RASAL3: variants seen among roughly 807,000 people sequenced by gnomAD.
RASAL3 encodes RAS protein activator like-3.
Under a neutral mutation model 105.5 loss-of-function variants are expected in RASAL3, and 74 were observed. The observed-to-expected ratio is 0.70, with a 90% CI of 0.58 to 0.85. The LOEUF is 0.85. Among genes scored for constraint, RASAL3 ranks in the 40% least tolerant of loss-of-function variants. RASAL3 has a pLI of 0.00. For missense variants in RASAL3, 1,352 were observed against 1,392.0 expected (o/e 0.97, Z 0.46); for synonymous variants, 579 against 591.6 (o/e 0.98, Z 0.31).
At chr19:15,463,073 T>C (rs1568334802) in intron 2 of RASAL3, among the ~76,000 whole-genome samples, 2 of 151,976 alleles carry the variant, frequency 1.3e-5, no homozygotes, top group Admixed American at 6.6e-5. Context: ...CTGTCATTTT[T>C]TTTCTTTCTT....
chr19:15,455,471 A>G (rs924981516), intron 11 of RASAL3, among the ~76,000 whole-genome samples: 2 of 152,154 alleles, frequency 1.3e-5, no homozygotes, highest in African/African-American at 2.4e-5. Flanking sequence ...TTGAGGTCCT[A>G]TGTTAACTGG....
rs1316015490 is a variant in RASAL3, at chr19:15,457,433, C to T, written c.1290G>A (p.Glu430=). The T allele has an allele frequency of 1.4e-6, 2 of 1,430,928 alleles. No homozygotes were observed. Among genetic ancestry groups the T allele is most frequent in the Non-Finnish European group, 9.1e-7 (1 of 1,094,410 alleles). The allele number at this position is 1,430,928 out of a possible 1,614,324, so 88.6% of individuals were successfully genotyped here. A position where few individuals can be genotyped will look rare whatever the true frequency, so the allele number is the denominator to read the frequency against. ...RARRLRVLPS[E]RYKELAEFLT... ...GGAACTCCGCCAGCTCCTTGTAGCG[C>T]TCGGACGGCAGCACGCGCAGGCGAC... The change falls in exon 9 of 18, where the codon GAG becomes GAA. Residue 430 remains glutamate (E), a synonymous_variant. Transcript: ENST00000343625. The surrounding 1 kb of genome is among the most constrained non-coding windows in gnomAD (Gnocchi z 8.6).
chr19:15,453,588 G>T lies in RASAL3; in HGVS notation c.2280-91C>A. On this transcript the variant is annotated intron_variant, in intron 14 of 17. Coordinates refer to ENST00000343625, the MANE Select transcript of RASAL3 (RefSeq NM_022904.3). The surrounding 1 kb of genome is among the most constrained non-coding windows in gnomAD (Gnocchi z 4.2). ...CCAGAAGTGACCTCACCCCCCACGT[G>T]AACTTGTCCTTTCTTTTTTTTTTTT... is the stretch of plus-strand genomic sequence containing the variant. 7.8e-7 allele frequency: 1 copy of T among 1,281,330 alleles called. No individual in the cohort carries two copies. Among genetic ancestry groups the T allele is most frequent in the South Asian group, 1.6e-5 (1 of 64,436 alleles). 79.4% of individuals were successfully genotyped at this position (1,281,330 alleles called of 1,614,324 possible).
chr19:15,453,445 G>A lies in RASAL3; in HGVS notation c.2332C>T (p.His778Tyr). The change falls in exon 15 of 18, where the codon CAC (histidine) becomes TAC (tyrosine). Residue 778 changes from histidine (H) to tyrosine (Y), a missense_variant. Coordinates refer to ENST00000343625, the MANE Select transcript of RASAL3 (RefSeq NM_022904.3). This position sits in a 1 kb window ranked among gnomAD's most constrained non-coding sequence, Gnocchi z 4.2. ...GFLAPRDLPK[H>Y]TPLISKSQSL... is the part of the protein sequence containing the mutation. ...TGGCTCTTGGAGATGAGAGGGGTGT[G>A]CTTGGGGAGGTCCCGGGGGGCCAGG... is the stretch of plus-strand genomic sequence containing the variant. 1 of 1,542,424 alleles carries A rather than the reference G, an allele frequency of 6.5e-7. No individual in the cohort carries two copies. Among genetic ancestry groups the A allele is most frequent in the South Asian group, 1.2e-5 (1 of 81,676 alleles).
chr19:15,463,949 T>C, intron 2 of RASAL3, 82 bp downstream of exon 2: 3 of 1,276,224 alleles, frequency 2.4e-6, no homozygotes, highest in Non-Finnish European at 1.1e-6. Context: ...TGTGTCTGTA[T>C]GGTTGATGCT....
rs1252561923 is a variant in RASAL3, at chr19:15,464,202, G to A, written c.157C>T (p.Gln53Ter). 1 of 1,611,188 alleles carries A rather than the reference G, an allele frequency of 6.2e-7. No homozygotes were observed. The highest frequency in any genetic ancestry group is 8.5e-7 in the Non-Finnish European group (1 of 1,179,204). Residue 53 changes from glutamine to a stop codon, truncating the protein, a stop_gained, in exon 2 of 18, where the codon CAG becomes TAG. Coordinates refer to ENST00000343625, the MANE Select transcript of RASAL3 (RefSeq NM_022904.3). LOFTEE classifies it high-confidence loss of function. ...GGCTGGGTGCTGACCATGGGCTCCT[G>A]GTGGCTCAGGGCCCTGCCCCAGCCA... is the stretch of plus-strand genomic sequence containing the variant. ...FAGWGRALSH[Q>*]EPMVSTQPAP...
At chr19:15,462,224 C>T (rs1970533340) in intron 2 of RASAL3, among the ~76,000 whole-genome samples, 1 of 152,058 alleles carries the variant, frequency 6.6e-6, no homozygotes, top group African/African-American at 2.4e-5. Context: ...CTGTGGCTCA[C>T]ACCTGTAATC....
At chr19:15,463,124 C>T (rs1451618944) in intron 2 of RASAL3, among the ~76,000 whole-genome samples, 1 of 148,862 alleles carries the variant, frequency 6.7e-6, no homozygotes, top group African/African-American at 2.5e-5. Context: ...CTCCCTCTGT[C>T]GCCCAGGCGG....
At chr19:15,463,962 G>T in intron 2 of RASAL3, 69 bp downstream of exon 2, 1 of 1,386,664 alleles carries the variant, frequency 7.2e-7, no homozygotes, top group Admixed American at 2.6e-5. Flanking sequence ...TTGATGCTCC[G>T]GAGGCAGACA....
At position 15,453,726 on chromosome 19, in the gene RASAL3, T is replaced by C. The variant is rs1970231821; in HGVS notation, c.2280-229A>G. 6.6e-6 allele frequency among the ~76,000 whole-genome samples: 1 copy of C among 151,442 alleles called. No homozygotes were observed. Among genetic ancestry groups the C allele is most frequent in the African/African-American group, 2.4e-5 (1 of 41,202 alleles). ...TTCCCCAGCCTCAGCCTCCCAAATA[T>C]CTAGGACTACCAGCACATGCCACTA... On this transcript the variant is annotated intron_variant, in intron 14 of 17. Coordinates refer to ENST00000343625, the MANE Select transcript of RASAL3 (RefSeq NM_022904.3). This position sits in a 1 kb window ranked among gnomAD's most constrained non-coding sequence, Gnocchi z 4.2.
intron 6 of RASAL3, 108 bp from the exon 7 acceptor site, chr19:15,458,763 GT>G: frequency 7.1e-7 from 1 of 1,415,694 alleles, no homozygotes; most frequent in South Asian, 1.4e-5. Context: ...TTCGGATCCC[GT>G]TTCTCCCCCG....
At position 15,451,916 on chromosome 19, in the gene RASAL3, T is replaced by G. The variant is rs748572275; in HGVS notation, c.2915A>C (p.Glu972Ala). The change falls in exon 18 of 18, where the codon GAG becomes GCG. Residue 972 changes from glutamate (E) to alanine (A), a missense_variant. Glu to Ala is a moderately radical substitution (Grantham distance 107). Around this residue, in one of 3 missense-constraint regions of RASAL3, gnomAD observed 920 missense variants for 919.6 expected, o/e 1.00. Coordinates refer to ENST00000343625, the MANE Select transcript of RASAL3 (RefSeq NM_022904.3). ...KNLEHRLNEM[E>A]RTQAQLRDAV... ...ATCCCTCAGCTGAGCCTGAGTTCTC[T>G]CCATCTCATTTAGGCGGTGCTCCTG... 6.2e-7 allele frequency: 1 copy of G among 1,608,508 alleles called. No individual in the cohort carries two copies. Among genetic ancestry groups the G allele is most frequent in the East Asian group, 2.2e-5 (1 of 44,718 alleles).
chr19:15,454,920 C>A, intron 11 of RASAL3, 27 bp from the exon 12 acceptor site: 2 of 1,508,990 alleles, frequency 1.3e-6, no homozygotes, highest in South Asian at 2.5e-5. Context: ...AATGAATGGT[C>A]AGACGGGGAG....
rs772925220 is a variant in RASAL3 at position 15,456,272 on chromosome 19, G to A, written c.1577-24C>T. On this transcript the variant is annotated intron_variant, in intron 10 of 17. Coordinates refer to ENST00000343625, the MANE Select transcript of RASAL3 (RefSeq NM_022904.3). This position sits in a 1 kb window ranked among gnomAD's most constrained non-coding sequence, Gnocchi z 4.4. ...TCCTGCAGCCCAGCACAGCCAGATA[G>A]GGGCTGGGGCCATGACCACCAAAAC... 3 of 1,607,556 alleles carry A rather than the reference G, an allele frequency of 1.9e-6. No individual in the cohort carries two copies. The highest frequency in any genetic ancestry group is 3.3e-5 in the Admixed American group (2 of 59,706).
intron 2 of RASAL3, among the ~76,000 whole-genome samples, chr19:15,463,740 G>A (rs1406694025): frequency 6.6e-6 from 1 of 152,140 alleles, no homozygotes; most frequent in Non-Finnish European, 1.5e-5. Context: ...GCCATTGAAG[G>A]AGAGACCCGT....
chr19:15,456,087 G>C lies in RASAL3; in HGVS notation c.1721+17C>G. 2 of 1,611,004 alleles carry C rather than the reference G, an allele frequency of 1.2e-6. No individual in the cohort carries two copies. The highest frequency in any genetic ancestry group is 2.2e-5 in the East Asian group (1 of 44,818). ...GTAAGCAGGGGTGGGCTAAGCTGCTGGGGCCCTGATTCTCACTCGTAGGAA... is the reference window on the plus strand; with the variant it reads ...GTAAGCAGGGGTGGGCTAAGCTGCTCGGGCCCTGATTCTCACTCGTAGGAA... On this transcript the variant is annotated intron_variant, in intron 11 of 17. Transcript: ENST00000343625. The surrounding 1 kb of genome is among the most constrained non-coding windows in gnomAD (Gnocchi z 4.4).
At chr19:15,452,144 G>C (rs1183721799) in intron 16 of RASAL3, 36 bp from the exon 17 acceptor site, 2 of 1,608,760 alleles carry the variant, frequency 1.2e-6, no homozygotes, top group African/African-American at 2.7e-5. Flanking sequence ...AAGGGCAGAG[G>C]CTAAGGAAGT....
chr19:15,452,454 G>A (rs1188856006), intron 16 of RASAL3: 3 of 601,188 alleles, frequency 5.0e-6, no homozygotes, highest in Non-Finnish European at 8.8e-6. Flanking sequence ...GAATCTGCCA[G>A]GGTCCTAGGC....
intron 11 of RASAL3, among the ~76,000 whole-genome samples, chr19:15,455,806 C>T (rs141288684): frequency 6.6e-6 from 1 of 152,126 alleles, no homozygotes; most frequent in Non-Finnish European, 1.5e-5. Context: ...TGCCACCATG[C>T]CTAGCTCATT....
Sources: gnomAD v4.1 joint callset for allele counts (sites outside exome capture counted in the v4.1 genomes callset) on GRCh38, gnomAD v4.1.1 for gene constraint, gnomAD v4.1.1 regional missense constraint, Gnocchi (gnomAD v3.1) non-coding constraint, MANE v1.5 for transcripts, NCBI Gene and HGNC (gene_info 2026-07-23, HGNC 2026-07-21) for gene names.